CNNM4: variants seen among roughly 807,000 people sequenced by gnomAD.
CNNM4 encodes metal transporter CNNM4.
A neutral mutation model predicts 53.7 loss-of-function variants in CNNM4; 32 were observed. That is an observed-to-expected ratio of 0.60 (90% CI 0.45 to 0.80). The LOEUF (loss-of-function observed/expected upper bound fraction) is 0.80. Ranked by LOEUF, CNNM4 falls within the 30% of genes least tolerant of loss-of-function variation. The pLI, the probability that CNNM4 is intolerant of heterozygous loss-of-function variation, is 0.00. For missense variants in CNNM4, 784 were observed against 1,022.0 expected, an observed-to-expected ratio of 0.77 and a Z score of 3.17; for synonymous variants, 410 against 440.0, an observed-to-expected ratio of 0.93 and a Z score of 0.85.
chr2:96,762,175 G>A lies in CNNM4; in HGVS notation c.1176G>A (p.Leu392=). ...TCATGATCCGCAGCGATGCCATCCT[G>A]GACTTCAACACCATGTCGGAGATAA... ...DCFMIRSDAI[L]DFNTMSEIME... is the part of the protein sequence containing the mutation. The change falls in exon 1 of 7, where the codon CTG becomes CTA. Residue 392 remains leucine (L), a synonymous_variant. Coordinates refer to ENST00000377075, the MANE Select transcript of CNNM4 (RefSeq NM_020184.4). 2 of 1,614,102 alleles carry A rather than the reference G, an allele frequency of 1.2e-6. No homozygotes were observed. Among genetic ancestry groups the A allele is most frequent in the Non-Finnish European group, 1.7e-6 (2 of 1,180,008 alleles).
chr2:96,794,012 G>A (rs1056463923), intron 1 of CNNM4, among the ~76,000 whole-genome samples: 4 of 152,168 alleles, frequency 2.6e-5, no homozygotes, highest in Non-Finnish European at 5.9e-5. Flanking sequence ...CTTTCACTGT[G>A]AGGGAACCTT....
rs748421182 is a variant in CNNM4 at position 96,761,186 on chromosome 2, G to C, written c.187G>C (p.Asp63His). 3 of 1,613,716 alleles carry C rather than the reference G, an allele frequency of 1.9e-6. No homozygotes were observed. In the South Asian group the frequency reaches 3.3e-5, roughly 18 times the overall value. Reference sequence around the variant, plus strand: ...CAACAAGTCGTGTGGGACGAACCCGGATGGCATCATCTTCGTGTCCGAGGG... The same window carrying C: ...CAACAAGTCGTGTGGGACGAACCCGCATGGCATCATCTTCGTGTCCGAGGG... ...SCNKSCGTNP[D>H]GIIFVSEGST... is the part of the protein sequence containing the mutation. The change falls in exon 1 of 7, where the codon GAT (aspartate) becomes CAT (histidine). Residue 63 changes from aspartate to histidine, a missense_variant. Transcript: ENST00000377075. The surrounding 1 kb of genome is among the most constrained non-coding windows in gnomAD (Gnocchi z 6.0).
intron 1 of CNNM4, among the ~76,000 whole-genome samples, chr2:96,785,483 G>A (rs932910083): frequency 3.3e-5 from 5 of 150,672 alleles, no homozygotes; most frequent in Admixed American, 2.6e-4. Flanking sequence ...CAAAAAATAC[G>A]AAAGTTGGCC....
intron 4 of CNNM4, 87 bp from the exon 5 acceptor site, chr2:96,799,465 C>G (rs2079138518): frequency 2.4e-6 from 3 of 1,271,976 alleles, no homozygotes; most frequent in Non-Finnish European, 3.4e-6. Context: ...TCCTGCCCCA[C>G]TGTCCCTTGT....
In CNNM4 at chr2:96,801,549, ACACACACAGAGAC is replaced by A. The variant is rs1404472951; in HGVS notation, c.1948+1914_1948+1926del. On this transcript the variant is annotated intron_variant, in intron 5 of 6. Coordinates refer to ENST00000377075, the MANE Select transcript of CNNM4 (RefSeq NM_020184.4). This position sits in a 1 kb window ranked among gnomAD's most constrained non-coding sequence, Gnocchi z 5.6. Reference sequence around the variant, plus strand: ...GATAGCACACACACAGAGAGACCACACACACACAGAGACCACACACAGAGATAGCACACACACA... The same window carrying A: ...GATAGCACACACACAGAGAGACCACACACACACAGAGATAGCACACACACA... Among the ~76,000 whole-genome samples, 2 of 151,320 alleles carry A rather than the reference ACACACACAGAGAC, an allele frequency of 1.3e-5. No individual in the cohort carries two copies. Among genetic ancestry groups the A allele is most frequent in the Non-Finnish European group, 1.5e-5 (1 of 67,744 alleles).
In CNNM4 at chr2:96,801,209, C is replaced by G. The variant is rs904064900; in HGVS notation, c.1948+1561C>G. On this transcript the variant is annotated intron_variant, in intron 5 of 6. Coordinates refer to ENST00000377075, the MANE Select transcript of CNNM4 (RefSeq NM_020184.4). The surrounding 1 kb of genome is among the most constrained non-coding windows in gnomAD (Gnocchi z 5.6). Reference sequence around the variant, plus strand: ...CACACTGCAGCTGCATTAACCTCCCCACATGGACCCGGACCCCCGCCTGCT... The same window carrying G: ...CACACTGCAGCTGCATTAACCTCCCGACATGGACCCGGACCCCCGCCTGCT... 2.5e-6 allele frequency: 2 copies of G among 813,436 alleles called. No individual in the cohort carries two copies. Among genetic ancestry groups the G allele is most frequent in the Admixed American group, 6.2e-5 (1 of 16,056 alleles). The allele number at this position is 813,436 out of a possible 1,614,324, so 50.4% of individuals were successfully genotyped here. A position where few individuals can be genotyped will look rare whatever the true frequency, so the allele number is the denominator to read the frequency against.
At chr2:96,768,960 T>C (rs1351248370) in intron 1 of CNNM4, among the ~76,000 whole-genome samples, 1 of 152,070 alleles carries the variant, frequency 6.6e-6, no homozygotes, top group Non-Finnish European at 1.5e-5. Flanking sequence ...GGTTTAAGAG[T>C]CAGCCAAGAG....
In CNNM4 at chr2:96,800,782, G is replaced by A. The variant is rs539342579; in HGVS notation, c.1948+1134G>A. ...TTGTGCAGTGAAGCCTCAGAGGCCC[G>A]GTTAGGGCCCAGGCTCTGTCCGTTG... On this transcript the variant is annotated intron_variant, in intron 5 of 6. Transcript: ENST00000377075. This position sits in a 1 kb window ranked among gnomAD's most constrained non-coding sequence, Gnocchi z 4.6. Among the ~76,000 whole-genome samples the A allele has an allele frequency of 7.2e-5, 11 of 152,352 alleles. No homozygotes were observed. The highest frequency in any genetic ancestry group is 1.3e-4 in the Admixed American group (2 of 15,308).
Position 96,761,804 on chromosome 2 carries a change from C to A in CNNM4, c.805C>A (p.Leu269Ile). The A allele has an allele frequency of 6.2e-7, 1 of 1,613,952 alleles. No individual in the cohort carries two copies. Among genetic ancestry groups the A allele is most frequent in the Non-Finnish European group, 8.5e-7 (1 of 1,180,036 alleles). ...ILLDNLIGSG[L>I]MAVASSTIGI... ...TCTAGACAACCTCATCGGGTCCGGCCTCATGGCGGTGGCCTCCTCCACCAT... is the reference window on the plus strand; with the variant it reads ...TCTAGACAACCTCATCGGGTCCGGCATCATGGCGGTGGCCTCCTCCACCAT... The change falls in exon 1 of 7, where the codon CTC (leucine) becomes ATC (isoleucine). Residue 269 changes from leucine to isoleucine, a missense_variant. Physicochemically the swap from Leu to Ile is conservative, Grantham distance 5. This residue lies in a region of CNNM4 where 473 missense variants were observed against 624.6 expected (regional missense o/e 0.76). Coordinates refer to ENST00000377075, the MANE Select transcript of CNNM4 (RefSeq NM_020184.4). This position sits in a 1 kb window ranked among gnomAD's most constrained non-coding sequence, Gnocchi z 6.0.
intron 1 of CNNM4, among the ~76,000 whole-genome samples, chr2:96,794,265 GTC>G (rs987255705): frequency 7.2e-5 from 11 of 151,950 alleles, no homozygotes; most frequent in African/African-American, 2.7e-4. Flanking sequence ...CCTTAATTTT[GTC>G]TCAGTTTTGT....
In CNNM4 at chr2:96,809,333, A is replaced by G; in HGVS notation, c.2144A>G (p.Gln715Arg). 1 of 1,614,166 alleles carries G rather than the reference A, an allele frequency of 6.2e-7. No homozygotes were observed. Among genetic ancestry groups the G allele is most frequent in the Non-Finnish European group, 8.5e-7 (1 of 1,180,024 alleles). The change falls in exon 7 of 7, where the codon CAG (glutamine) becomes CGG (arginine). Residue 715 changes from glutamine (Q) to arginine (R), a missense_variant. Transcript: ENST00000377075. Reference protein sequence around the residue: ...DLQYIKITRQQYQNGLLASRM... With the variant: ...DLQYIKITRQRYQNGLLASRM... Reference sequence around the variant, plus strand: ...TTCCTCATGCAGATCACTCGGCAGCAGTACCAGAACGGGCTGCTGGCTTCT... The same window carrying G: ...TTCCTCATGCAGATCACTCGGCAGCGGTACCAGAACGGGCTGCTGGCTTCT...
Position 96,761,734 on chromosome 2 carries a change from G to A in CNNM4, c.735G>A (p.Ser245=), listed in dbSNP as rs765321091. 2.5e-6 allele frequency: 4 copies of A among 1,609,772 alleles called. No individual in the cohort carries two copies. The East Asian group carries it at 6.7e-5, about 27-fold the overall frequency. The change falls in exon 1 of 7, where the codon TCG becomes TCA. Residue 245 remains serine, a synonymous_variant. Transcript: ENST00000377075. The surrounding 1 kb of genome is among the most constrained non-coding windows in gnomAD (Gnocchi z 6.0). ...GCAAGGGCAACTACCTTCTCTGCTC[G>A]TTGCTCCTAGGGAACGTGCTGGTCA... ...IRRKGNYLLC[S]LLLGNVLVNT...
In CNNM4 at chr2:96,797,752, G is replaced by A; in HGVS notation, c.1681+105G>A. 6.8e-7 allele frequency: 1 copy of A among 1,473,528 alleles called. No individual in the cohort carries two copies. The highest frequency in any genetic ancestry group is 1.9e-5 in the Admixed American group (1 of 52,844). The allele number at this position is 1,473,528 out of a possible 1,614,324, so 91.3% of individuals were successfully genotyped here. On this transcript the variant is annotated intron_variant, in intron 3 of 6. Coordinates refer to ENST00000377075, the MANE Select transcript of CNNM4 (RefSeq NM_020184.4). This position sits in a 1 kb window ranked among gnomAD's most constrained non-coding sequence, Gnocchi z 6.0. ...CCATAGGACGAGGGCTGCAGCAGGT[G>A]AGGGGTGCAGAGACAACACAGCCAC...
intron 1 of CNNM4, among the ~76,000 whole-genome samples, chr2:96,791,446 A>G (rs899696924): frequency 2.6e-5 from 4 of 152,016 alleles, no homozygotes; most frequent in African/African-American, 7.2e-5. Context: ...AGCCTGGCCA[A>G]CATGGTGAAA....
At position 96,800,276 on chromosome 2, in the gene CNNM4, G is replaced by A; in HGVS notation, c.1948+628G>A. ...CAGGCTTTCCCCGCAGAGCCCCACA[G>A]ACAAGGCCCCGCAGGCCCAGGTCTC... On this transcript the variant is annotated intron_variant, in intron 5 of 6. Transcript: ENST00000377075. This position sits in a 1 kb window ranked among gnomAD's most constrained non-coding sequence, Gnocchi z 4.6. Among the ~76,000 whole-genome samples, 1 of 152,148 alleles carries A rather than the reference G, an allele frequency of 6.6e-6. No homozygotes were observed. Among genetic ancestry groups the A allele is most frequent in the Non-Finnish European group, 1.5e-5 (1 of 68,012 alleles).
rs56997097 is a variant in CNNM4 at position 96,774,960 on chromosome 2, C to CAA, written c.1402+12596_1402+12597dup. On this transcript the variant is annotated intron_variant, in intron 1 of 6. Transcript: ENST00000377075. ...TGGGAGACAGAGTGAGACTCCATCT[C>CAA]AAAAAAAAAAAAAAAAAAAAAAAAA... Among the ~76,000 whole-genome samples, 9 of 17,668 alleles carry CAA rather than the reference C, an allele frequency of 5.1e-4. 3 individuals carry two copies. The highest frequency in any genetic ancestry group is 7.1e-4 in the Non-Finnish European group (6 of 8,398). The allele number at this position is 17,668 out of a possible 152,430, so 11.6% of individuals were successfully genotyped here.
At position 96,806,123 on chromosome 2, in the gene CNNM4, G is replaced by T. The variant is rs961120537; in HGVS notation, c.1949-2438G>T. 3.4e-5 allele frequency among the ~76,000 whole-genome samples: 5 copies of T among 148,210 alleles called. No homozygotes were observed. The East Asian group carries it at 5.9e-4, about 17-fold the overall frequency. On this transcript the variant is annotated intron_variant, in intron 5 of 6. Coordinates refer to ENST00000377075, the MANE Select transcript of CNNM4 (RefSeq NM_020184.4). Reference sequence around the variant, plus strand: ...TCCCGGAGGGGGCGGCTGGCCGGGCGGGGGGCTGACCCCCCCACCGCCCTC... The same window carrying T: ...TCCCGGAGGGGGCGGCTGGCCGGGCTGGGGGCTGACCCCCCCACCGCCCTC...
intron 4 of CNNM4, 41 bp downstream of exon 4, chr2:96,799,267 G>A: frequency 6.2e-7 from 1 of 1,611,516 alleles, no homozygotes; most frequent in Non-Finnish European, 8.5e-7. Context: ...TGCTCCCCCT[G>A]GCACTGCAGC....
At chr2:96,787,280 C>T (rs2079024111) in intron 1 of CNNM4, among the ~76,000 whole-genome samples, 1 of 152,178 alleles carries the variant, frequency 6.6e-6, no homozygotes, top group Non-Finnish European at 1.5e-5. Context: ...GTGGGTAGTT[C>T]TCCTGCCAAC....
Sources: gnomAD v4.1 joint callset for allele counts (sites outside exome capture counted in the v4.1 genomes callset) on GRCh38, gnomAD v4.1.1 for gene constraint, gnomAD v4.1.1 regional missense constraint, Gnocchi (gnomAD v3.1) non-coding constraint, MANE v1.5 for transcripts, NCBI Gene and HGNC (gene_info 2026-07-23, HGNC 2026-07-21) for gene names.